USP11: variants seen among roughly 807,000 people sequenced by gnomAD.
USP11 encodes the protein ubiquitin specific peptidase 11, also known as ubiquitin carboxyl-terminal hydrolase 11.
USP11 carries 5 observed loss-of-function variants against 72.8 expected under a neutral mutation model. That is an observed-to-expected ratio of 0.07 (90% CI 0.04 to 0.14). The LOEUF (loss-of-function observed/expected upper bound fraction) is 0.14, where lower values mean the gene tolerates loss of function less well. USP11 is among the 10% of genes least tolerant of loss of function. The pLI is 1.00. For missense variants in USP11, 480 were observed against 794.7 expected (o/e 0.60, Z 4.76); for synonymous variants, 368 against 326.5 (o/e 1.13, Z -1.37).
At chrX:47,243,692 C>G (rs1161762831) in intron 13 of USP11, 90 bp downstream of exon 13, 1 of 895,790 alleles carries the variant, frequency 1.1e-6, no homozygotes, top group Admixed American at 2.7e-5. Flanking sequence ...TCCCCTGTAA[C>G]AAACAAAAGA....
At chrX:47,239,936 G>T in intron 4 of USP11, 29 bp downstream of exon 4, 1 of 1,176,856 alleles carries the variant, frequency 8.5e-7, no homozygotes, top group Non-Finnish European at 1.2e-6. Context: ...CAATGGGTTG[G>T]TGTTCCTAGC....
chrX:47,240,684 G>A (rs777669798), intron 6 of USP11, 36 bp downstream of exon 6: 59 of 1,207,749 alleles, frequency 4.9e-5, no homozygotes, highest in South Asian at 3.3e-4. Flanking sequence ...GAGCGGGGGC[G>A]TCCCACAGTA....
rs1376913182 is a variant in USP11, at chrX:47,240,432, G to A, written c.663G>A (p.Ala221=). ...LYDTHITVLD[A]ALETGQLIIM... Reference sequence around the variant, plus strand: ...ACACACACATCACGGTTCTCGATGCGGCCCTTGAGACTGGGCAGGTAAGGG... The same window carrying A: ...ACACACACATCACGGTTCTCGATGCAGCCCTTGAGACTGGGCAGGTAAGGG... Residue 221 remains alanine (A), a synonymous_variant, in exon 5 of 21, where the codon GCG becomes GCA. Transcript: ENST00000377107. The A allele has an allele frequency of 1.6e-5, 19 of 1,210,047 alleles. No homozygotes were observed. Among genetic ancestry groups the A allele is most frequent in the East Asian group, 3.0e-5 (1 of 33,777 alleles).
In USP11 at chrX:47,242,545, GA is replaced by G. The variant is rs750774866; in HGVS notation, c.1488+24del. The stretch of plus-strand genomic sequence containing the variant: ...AGGGTGAGACTGCAGAAGGAGGCTG[GA>G]TGGGATTCCAGGGCAAGGAGGCAGA... On this transcript the variant is annotated intron_variant, in intron 11 of 20. Transcript: ENST00000377107. 1.7e-5 allele frequency: 20 copies of G among 1,209,572 alleles called. No individual in the cohort carries two copies. In the Middle Eastern group the frequency reaches 6.9e-4, roughly 42 times the overall value.
rs776434411 is a variant in USP11 at position 47,244,723 on chromosome X, A to C, written c.1885A>C (p.Thr629Pro). 5 of 1,206,554 alleles carry C rather than the reference A, an allele frequency of 4.1e-6. No homozygotes were observed. In the African/African-American group the frequency reaches 8.8e-5, roughly 21 times the overall value. The change falls in exon 15 of 21, where the codon ACT becomes CCT. Residue 629 changes from threonine to proline, a missense_variant. Around this residue, in one of 5 missense-constraint regions of USP11, gnomAD observed 314 missense variants for 556.0 expected, o/e 0.56. Coordinates refer to ENST00000377107, the MANE Select transcript of USP11 (RefSeq NM_001371072.1). ...TAAAGATGACGTCCCTGGGCCCTCA[A>C]CTGGGGGCAGCCTCCGAGACCCTGA... Reference protein sequence around the residue: ...EDKDDVPGPSTGGSLRDPEPE... With the variant: ...EDKDDVPGPSPGGSLRDPEPE...
intron 4 of USP11, 46 bp from the exon 5 acceptor site, chrX:47,240,259 T>C: frequency 8.4e-7 from 1 of 1,196,441 alleles, no homozygotes; most frequent in Non-Finnish European, 1.1e-6. Flanking sequence ...GATTGATCAT[T>C]TTGGGTCTCA....
rs1166008396 is a variant in USP11 at position 47,240,033 on chromosome X, GA to G, written c.535+128del. 28 of 781,447 alleles carry G rather than the reference GA, an allele frequency of 3.6e-5. No homozygotes were observed. In the African/African-American group the frequency reaches 5.5e-4, roughly 15 times the overall value. 64.4% of individuals were successfully genotyped at this position (781,447 alleles called of 1,213,427 possible). On this transcript the variant is annotated intron_variant, in intron 4 of 20. Coordinates refer to ENST00000377107, the MANE Select transcript of USP11 (RefSeq NM_001371072.1). ...CACTGGTCAGACTTTGGAAGACCCA[GA>G]AGGCATTGGCTAAGTTGGGTGGAGG...
intron 1 of USP11, among the ~76,000 whole-genome samples, chrX:47,238,565 C>A (rs1330144979): frequency 1.7e-5 from 1 of 57,343 alleles, no homozygotes; most frequent in Non-Finnish European, 3.3e-5. Flanking sequence ...ATTTTAAATT[C>A]TTTGCTCCTT....
intron 14 of USP11, 55 bp downstream of exon 14, chrX:47,244,605 A>G: frequency 8.3e-7 from 1 of 1,206,777 alleles, no homozygotes; most frequent in Non-Finnish European, 1.1e-6. Context: ...TGACCCACGT[A>G]GGGTTCGTCT....
In USP11 at chrX:47,233,011, A is replaced by C. The variant is rs776184063; in HGVS notation, c.-33A>C. The C allele has an allele frequency of 1.7e-6, 2 of 1,210,248 alleles. No individual in the cohort carries two copies. Among genetic ancestry groups the C allele is most frequent in the African/African-American group, 3.5e-5 (2 of 57,275 alleles). On this transcript the variant is annotated 5_prime_UTR_variant, in exon 1 of 21. Coordinates refer to ENST00000377107, the MANE Select transcript of USP11 (RefSeq NM_001371072.1). ...TGAGGGGCGTCTTCCAATCTCGCAC[A>C]GCTGCGTTGGCTGTAGAAGAGAACG... is the stretch of plus-strand genomic sequence containing the variant.
Position 47,241,091 on chromosome X carries a change from T to C in USP11, c.847-186T>C, listed in dbSNP as rs1318625251. 5 of 557,332 alleles carry C rather than the reference T, an allele frequency of 9.0e-6. No individual in the cohort carries two copies. In the African/African-American group the frequency reaches 9.4e-5, roughly 10 times the overall value. The allele number at this position is 557,332 out of a possible 1,213,427, so 45.9% of individuals were successfully genotyped here. A position where few individuals can be genotyped will look rare whatever the true frequency, so the allele number is the denominator to read the frequency against. On this transcript the variant is annotated intron_variant, in intron 7 of 20. Coordinates refer to ENST00000377107, the MANE Select transcript of USP11 (RefSeq NM_001371072.1). ...TCATTTTCCCTCTTCTCTTCCCTGT[T>C]CCCACGTTCTTCCTTCTCGTGAAAT... is the stretch of plus-strand genomic sequence containing the variant.
rs781630707 is a variant in USP11, at chrX:47,247,665, A to T, written c.2591A>T (p.Asn864Ile). The T allele has an allele frequency of 9.9e-6, 12 of 1,208,651 alleles. No homozygotes were observed. The highest frequency in any genetic ancestry group is 1.2e-5 in the Non-Finnish European group (11 of 894,825). The change falls in exon 20 of 21, where the codon AAC (asparagine) becomes ATC (isoleucine). Residue 864 changes from asparagine to isoleucine, a missense_variant. Transcript: ENST00000377107. ...DSGQWHYFDD[N>I]SVSPVNENQI... is the part of the protein sequence containing the mutation. ...GGCCAGTGGCACTACTTTGATGACA[A>T]CAGCGTCTCCCCTGTCAATGAGAAT... is the stretch of plus-strand genomic sequence containing the variant.
At chrX:47,238,188 T>C (rs1032423440) in intron 1 of USP11, among the ~76,000 whole-genome samples, 2 of 87,328 alleles carry the variant, frequency 2.3e-5, no homozygotes, top group African/African-American at 9.0e-5. Context: ...TATGCAGTTC[T>C]TTTTTTTTTT....
intron 1 of USP11, among the ~76,000 whole-genome samples, chrX:47,237,702 T>TA (rs967129979): frequency 1.9e-4 from 21 of 111,321 alleles, no homozygotes; most frequent in African/African-American, 6.9e-4. Flanking sequence ...GGTTATTTTT[T>TA]AAAAAGCATT....
rs972545202 is a variant in USP11, at chrX:47,241,046, C to T, written c.846+170C>T. ...CCCACGTTCATTCCTGAACTATCAGCCTCTTCTCTCAGCTTGCCCTCATTT... is the reference window on the plus strand; with the variant it reads ...CCCACGTTCATTCCTGAACTATCAGTCTCTTCTCTCAGCTTGCCCTCATTT... On this transcript the variant is annotated intron_variant, in intron 7 of 20. Transcript: ENST00000377107. The T allele has an allele frequency of 1.1e-5, 6 of 560,320 alleles. No homozygotes were observed. The Admixed American group carries it at 1.1e-4, about 11-fold the overall frequency. 46.2% of individuals were successfully genotyped at this position (560,320 alleles called of 1,213,427 possible).
chrX:47,236,007 G>A (rs745954762), intron 1 of USP11, among the ~76,000 whole-genome samples: 2 of 111,672 alleles, frequency 1.8e-5, no homozygotes, highest in Middle Eastern at 4.6e-3. Flanking sequence ...TTGATAATAC[G>A]CTTTAAAATT....
chrX:47,244,045 TA>T (rs1414672196), intron 13 of USP11, among the ~76,000 whole-genome samples: 2 of 110,613 alleles, frequency 1.8e-5, no homozygotes, highest in Non-Finnish European at 3.8e-5. Flanking sequence ...TTACAGCCGG[TA>T]TGTGTCTTGT....
At chrX:47,237,893 A>G (rs2055381753) in intron 1 of USP11, among the ~76,000 whole-genome samples, 1 of 109,696 alleles carries the variant, frequency 9.1e-6, no homozygotes, top group African/African-American at 3.3e-5. Context: ...AGCTGTCAGA[A>G]CAATGACAGC....
At chrX:47,234,705 T>C (rs1034606794) in intron 1 of USP11, among the ~76,000 whole-genome samples, 2 of 111,954 alleles carry the variant, frequency 1.8e-5, no homozygotes, top group African/African-American at 6.5e-5. Context: ...ATAAATTCAT[T>C]GTATACTTGA....
Sources: gnomAD v4.1 joint callset for allele counts (sites outside exome capture counted in the v4.1 genomes callset) on GRCh38, gnomAD v4.1.1 for gene constraint, gnomAD v4.1.1 regional missense constraint, MANE v1.5 for transcripts, NCBI Gene and HGNC (gene_info 2026-07-23, HGNC 2026-07-21) for gene names.